Variants in PCDHA8 observed in about 807,000 individuals in gnomAD.
The protein encoded by PCDHA8 is protocadherin alpha-8.
Under a neutral mutation model 61.8 loss-of-function variants are expected in PCDHA8, and 53 were observed. The observed-to-expected ratio is 0.86, with a 90% confidence interval of 0.69 to 1.08. The LOEUF is 1.08. PCDHA8 is among the 50% of genes least tolerant of loss of function. PCDHA8 has a pLI of 0.00. For missense variants in PCDHA8, 1,293 were observed against 1,245.0 expected, an observed-to-expected ratio of 1.04 and a Z score of -0.58; for synonymous variants, 618 against 556.6, an observed-to-expected ratio of 1.11 and a Z score of -1.55.
chr5:140,856,933 C>A (rs1554149303), intron 1 of PCDHA8: 5 of 1,593,874 alleles, frequency 3.1e-6, no homozygotes, highest in East Asian at 4.5e-5. Flanking sequence ...TTTGGATAAA[C>A]GAAAGGACGG....
intron 1 of PCDHA8, chr5:140,875,857 A>C: frequency 6.2e-7 from 1 of 1,614,124 alleles, no homozygotes; most frequent in Non-Finnish European, 8.5e-7. Context: ...CATTAACGAC[A>C]ACCCGCCGGT....
rs782697989 is a variant in PCDHA8, at chr5:140,858,434, A to G, written c.2394+14719A>G. On this transcript the variant is annotated intron_variant, in intron 1 of 3. Coordinates refer to ENST00000531613, the MANE Select transcript of PCDHA8 (RefSeq NM_018911.3). ...GTCTATTGGAGGGGACCACTCTAGGAAGGTGGGTTATTACGTTTTCATTTT... is the reference window on the plus strand; with the variant it reads ...GTCTATTGGAGGGGACCACTCTAGGGAGGTGGGTTATTACGTTTTCATTTT... 3 of 1,543,272 alleles carry G rather than the reference A, an allele frequency of 1.9e-6. No homozygotes were observed. The Admixed American group carries it at 5.9e-5, about 30-fold the overall frequency.
At chr5:140,964,425 A>C (rs1440321322) in intron 1 of PCDHA8, among the ~76,000 whole-genome samples, 1 of 152,178 alleles carries the variant, frequency 6.6e-6, no homozygotes, top group East Asian at 1.9e-4. Context: ...TCCATTAAAA[A>C]ATTACCAAGC....
At chr5:140,868,818 T>TG (rs1170928689) in intron 1 of PCDHA8, 2 of 385,940 alleles carry the variant, frequency 5.2e-6, no homozygotes, top group Non-Finnish European at 9.1e-6. Flanking sequence ...TGGAAATATT[T>TG]GGGGGAAGAA....
chr5:140,871,185 T>C (rs782235765), intron 1 of PCDHA8: 1 of 1,613,600 alleles, frequency 6.2e-7, no homozygotes, highest in Admixed American at 1.7e-5. Flanking sequence ...CGCTGGTGGA[T>C]GTCAACGTGT....
At chr5:140,966,253 G>A in intron 1 of PCDHA8, 1 of 328,324 alleles carries the variant, frequency 3.0e-6, no homozygotes, top group South Asian at 1.5e-4. Context: ...GGGGAGAGAC[G>A]GTGGAGACTG....
chr5:140,871,695 T>C (rs1250599377), intron 1 of PCDHA8: 7 of 974,792 alleles, frequency 7.2e-6, no homozygotes, highest in Non-Finnish European at 8.8e-6. Flanking sequence ...CTGGCTTCTT[T>C]AACCAATAAA....
At chr5:140,990,512 CTT>C (rs1323641272) in intron 3 of PCDHA8, among the ~76,000 whole-genome samples, 1 of 152,202 alleles carries the variant, frequency 6.6e-6, no homozygotes, top group African/African-American at 2.4e-5. Context: ...AGTCTTCTCT[CTT>C]GTCTTTTTTG....
intron 1 of PCDHA8, chr5:140,866,390 T>C (rs2049324113): frequency 6.6e-6 from 1 of 152,134 alleles, no homozygotes; most frequent in Non-Finnish European, 1.5e-5. Flanking sequence ...TTTAAAGACA[T>C]AGATTCCCAT....
rs57893927 is a variant in PCDHA8 at position 140,946,631 on chromosome 5, T to TATATATATATATATATATATATATATAC, written c.2395-32317_2395-32316insTATATATATATATATATATATATATACA. On this transcript the variant is annotated intron_variant, in intron 1 of 3. Transcript: ENST00000531613. ...TGTGAAATATATATATATATATATA[T>TATATATATATATATATATATATATATAC]ACAATGGAATACTCATCAGCCATTA... Among the ~76,000 whole-genome samples the TATATATATATATATATATATATATATAC allele has an allele frequency of 2.1e-3, 277 of 131,730 alleles. 14 individuals carry two copies. Among genetic ancestry groups the TATATATATATATATATATATATATATAC allele is most frequent in the African/African-American group, 7.7e-3 (221 of 28,616 alleles). The allele number at this position is 131,730 out of a possible 152,430, so 86.4% of individuals were successfully genotyped here.
In PCDHA8 at chr5:140,877,394, A is replaced by G. The variant is rs538259450; in HGVS notation, c.2394+33679A>G. 5.6e-6 allele frequency: 9 copies of G among 1,613,930 alleles called. No individual in the cohort carries two copies. In the South Asian group the frequency reaches 8.8e-5, roughly 16 times the overall value. On this transcript the variant is annotated intron_variant, in intron 1 of 3. Transcript: ENST00000531613. ...ACGACACGCATCCTGGATGAGGCGG[A>G]CGCTCCGCGCCACCGCCTGCTGGTG... is the stretch of plus-strand genomic sequence containing the variant.
chr5:140,883,731 C>A, intron 1 of PCDHA8: 1 of 1,613,446 alleles, frequency 6.2e-7, no homozygotes, highest in Non-Finnish European at 8.5e-7. Flanking sequence ...CAGGAGAACG[C>A]GCTGGTCTCC....
At chr5:140,901,515 T>C (rs1323018473) in intron 1 of PCDHA8, among the ~76,000 whole-genome samples, 1 of 152,178 alleles carries the variant, frequency 6.6e-6, no homozygotes, top group Non-Finnish European at 1.5e-5. Context: ...ATTATAGATA[T>C]GTGGATTTGT....
chr5:140,882,226 G>C (rs778262653), intron 1 of PCDHA8: 257 of 1,564,032 alleles, frequency 1.6e-4, no homozygotes, highest in Non-Finnish European at 3.8e-5. Flanking sequence ...GAGGTAAGGC[G>C]TTGTATATAT....
chr5:141,001,381 A>G (rs1213919091), intron 3 of PCDHA8, among the ~76,000 whole-genome samples: 1 of 152,218 alleles, frequency 6.6e-6, no homozygotes, highest in Non-Finnish European at 1.5e-5. Context: ...TACAGAGCCT[A>G]AGATCCTACA....
At chr5:141,007,422 G>A (rs190866782) in intron 3 of PCDHA8, among the ~76,000 whole-genome samples, 22 of 143,640 alleles carry the variant, frequency 1.5e-4, no homozygotes, top group African/African-American at 4.9e-4. Context: ...AAAAAAATTA[G>A]CCAGGCATGG....
intron 1 of PCDHA8, among the ~76,000 whole-genome samples, chr5:140,959,126 G>A (rs1417334893): frequency 6.6e-6 from 1 of 152,066 alleles, no homozygotes; most frequent in Non-Finnish European, 1.5e-5. Context: ...GGCGAGGTGA[G>A]CCCACTTTGG....
At chr5:140,883,760 C>T (rs199864330) in intron 1 of PCDHA8, 18 of 1,612,790 alleles carry the variant, frequency 1.1e-5, no homozygotes, top group Non-Finnish European at 1.4e-5. Context: ...GGTGGAGCGG[C>T]GGGTGGGCGA....
At chr5:140,928,178 G>C (rs2085023372) in intron 1 of PCDHA8, 1 of 1,614,074 alleles carries the variant, frequency 6.2e-7, no homozygotes, top group African/African-American at 1.3e-5. Flanking sequence ...AGCACCCGAA[G>C]GACAATCACT....
Sources: gnomAD v4.1 joint callset for allele counts (sites outside exome capture counted in the v4.1 genomes callset) on GRCh38, gnomAD v4.1.1 for gene constraint, MANE v1.5 for transcripts, NCBI Gene and HGNC (gene_info 2026-07-23, HGNC 2026-07-21) for gene names.